FANCD2: variants seen among roughly 807,000 people sequenced by gnomAD.
FANCD2 encodes the protein Fanconi anemia group D2 protein.
A neutral mutation model predicts 192.3 loss-of-function variants in FANCD2; 131 were observed. That is an observed-to-expected ratio of 0.68 (90% CI 0.59 to 0.79). The LOEUF (loss-of-function observed/expected upper bound fraction) is 0.79, where lower values mean the gene tolerates loss of function less well. Among genes scored for constraint, FANCD2 ranks in the 30% least tolerant of loss-of-function variants. FANCD2 has a pLI of 0.00. For synonymous variants in FANCD2, 524 were observed against 612.5 expected, an observed-to-expected ratio of 0.86 and a Z score of 2.13; for missense variants, 1,508 against 1,701.6, an observed-to-expected ratio of 0.89 and a Z score of 2.00.
chr3:10,069,459 GCCTCTC>G (rs771989089), intron 26 of FANCD2, among the ~76,000 whole-genome samples: 11 of 129,508 alleles, frequency 8.5e-5, no homozygotes, highest in Middle Eastern at 3.5e-3. Flanking sequence ...TAGTTAAGAT[GCCTCTC>G]CCCCTCCCCC....
At chr3:10,034,581 C>G in intron 4 of FANCD2, 45 bp downstream of exon 4, 2 of 1,555,912 alleles carry the variant, frequency 1.3e-6, no homozygotes, top group Non-Finnish European at 1.8e-6. Flanking sequence ...CAGCATAACT[C>G]TAGAATTTGG....
At chr3:10,039,908 A>G (rs949884271) in intron 9 of FANCD2, 63 bp downstream of exon 9, 1 of 1,596,932 alleles carries the variant, frequency 6.3e-7, no homozygotes. Context: ...TCACTGCAGT[A>G]TGCAAAGAGC....
At chr3:10,035,598 C>T (rs764285039) in intron 6 of FANCD2, among the ~76,000 whole-genome samples, 10 of 152,148 alleles carry the variant, frequency 6.6e-5, no homozygotes, top group Admixed American at 1.3e-4. Context: ...TCCTCCTCCT[C>T]GTCTCTTTTA....
chr3:10,076,439 ATTATT>A (rs1693546344), intron 29 of FANCD2, among the ~76,000 whole-genome samples: 2 of 152,162 alleles, frequency 1.3e-5, no homozygotes. Context: ...GTCTTGAATT[ATTATT>A]TTACTATTCT....
At chr3:10,062,754 A>G (rs1347254964) in intron 20 of FANCD2, among the ~76,000 whole-genome samples, 3 of 151,820 alleles carry the variant, frequency 2.0e-5, no homozygotes, top group Non-Finnish European at 4.4e-5. Context: ...TCTGTCGCCA[A>G]GGCTGGAGTG....
intron 9 of FANCD2, chr3:10,040,559 C>T: frequency 2.2e-6 from 1 of 456,670 alleles, no homozygotes; most frequent in South Asian, 1.5e-5. Context: ...AATGCACAGT[C>T]CTGCATCAGA....
At chr3:10,040,152 A>G in intron 9 of FANCD2, 1 of 390,704 alleles carries the variant, frequency 2.6e-6, no homozygotes, top group Non-Finnish European at 4.7e-6. Flanking sequence ...CTCCTGCCTC[A>G]GCCTCCCAAG....
chr3:10,026,567 G>C (rs963947705), intron 1 of FANCD2, 94 bp downstream of exon 1: 10 of 274,010 alleles, frequency 3.6e-5, no homozygotes. Flanking sequence ...TTCTCCTCTG[G>C]GGCTCCGCGC....
chr3:10,095,159 C>A, intron 40 of FANCD2, 41 bp from the exon 41 acceptor site: 1 of 1,499,476 alleles, frequency 6.7e-7, no homozygotes, highest in Non-Finnish European at 9.3e-7. Flanking sequence ...AAAATGAAAT[C>A]AGGACATTTC....
At chr3:10,056,140 A>G (rs2087405145) in intron 18 of FANCD2, among the ~76,000 whole-genome samples, 1 of 152,198 alleles carries the variant, frequency 6.6e-6, no homozygotes, top group East Asian at 1.9e-4. Flanking sequence ...CGGCCTCCCA[A>G]AGTGCTAGGA....
chr3:10,088,906 C>G lies in FANCD2; in HGVS notation c.3639C>G (p.Asn1213Lys), dbSNP rs780098296. 3 of 1,614,064 alleles carry G rather than the reference C, an allele frequency of 1.9e-6. No individual in the cohort carries two copies. The South Asian group carries it at 3.3e-5, about 18-fold the overall frequency. The change falls in exon 36 of 44, where the codon AAC becomes AAG. Residue 1213 changes from asparagine to lysine, a missense_variant. By Grantham distance (94) the Asn-to-Lys change is moderately conservative. Around this residue, in one of 5 missense-constraint regions of FANCD2, gnomAD observed 796 missense variants for 879.4 expected, o/e 0.91. Transcript: ENST00000675286. ...GTGTTGGTGTCCCAGAACTGATCAA[C>G]TCTCCTAAAGATGCATCTTCCTCCA... ...IAGVGVPELI[N>K]SPKDASSSTF...
chr3:10,038,063 T>C (rs1031140574), intron 7 of FANCD2, among the ~76,000 whole-genome samples: 1 of 152,226 alleles, frequency 6.6e-6, no homozygotes, highest in Non-Finnish European at 1.5e-5. Context: ...CGATCTTGGC[T>C]CACTGCAACC....
intron 6 of FANCD2, among the ~76,000 whole-genome samples, 179 bp from the exon 7 acceptor site, chr3:10,036,108 G>GTTTTTTTTTTTT (rs2086725430): frequency 1.1e-5 from 1 of 89,482 alleles, no homozygotes; most frequent in Non-Finnish European, 2.2e-5. Context: ...TTTTTTTTGA[G>GTTTTTTTTTTTT]TCAGAGTCTC....
At position 10,064,779 on chromosome 3, in the gene FANCD2, C is replaced by T. The variant is rs751993012; in HGVS notation, c.2072C>T (p.Thr691Ile). 4 of 1,614,074 alleles carry T rather than the reference C, an allele frequency of 2.5e-6. No homozygotes were observed. Among genetic ancestry groups the T allele is most frequent in the Non-Finnish European group, 3.4e-6 (4 of 1,179,894 alleles). The part of the protein sequence containing the change: ...KALYGLEEYD[T>I]QDGIAINLLP... ...CTGTACGGACTGGAAGAATACGACA[C>T]TCAGGATGGGATTGCCATAAACCTC... Residue 691 changes from threonine to isoleucine, a missense_variant, in exon 23 of 44, where the codon ACT (threonine) becomes ATT (isoleucine). Physicochemically the swap from Thr to Ile is moderately conservative, Grantham distance 89 (BLOSUM62 -1). Around this residue, in one of 5 missense-constraint regions of FANCD2, gnomAD observed 59 missense variants for 111.9 expected, o/e 0.53. Transcript: ENST00000675286.
In FANCD2 at chr3:10,042,725, G is replaced by C. The variant is rs930540169; in HGVS notation, c.888+62G>C. ...ACTTAAGTGCCAATTGCTCTTCTCT[G>C]TCCCCAGACTAACTGAGAATACTGA... On this transcript the variant is annotated intron_variant, in intron 11 of 43. Coordinates refer to ENST00000675286, the MANE Select transcript of FANCD2 (RefSeq NM_001018115.3). The C allele has an allele frequency of 2.4e-5, 30 of 1,263,226 alleles. 1 individual carries two copies. The highest frequency in any genetic ancestry group is 1.9e-4 in the Middle Eastern group (1 of 5,398). The allele number at this position is 1,263,226 out of a possible 1,614,324, so 78.3% of individuals were successfully genotyped here. A position where few individuals can be genotyped will look rare whatever the true frequency, so the allele number is the denominator to read the frequency against.
intron 28 of FANCD2, among the ~76,000 whole-genome samples, chr3:10,074,129 AG>A (rs1693400310): frequency 6.6e-6 from 1 of 152,120 alleles, no homozygotes; most frequent in Non-Finnish European, 1.5e-5. Context: ...TATTTTTAGT[AG>A]AGACGGGGTT....
At chr3:10,054,992 T>C (rs939555173) in intron 18 of FANCD2, among the ~76,000 whole-genome samples, 1 of 152,200 alleles carries the variant, frequency 6.6e-6, no homozygotes, top group Admixed American at 6.5e-5. Context: ...GCAATCACTT[T>C]ATAAGCTTCT....
At chr3:10,051,242 G>T (rs535885275) in intron 17 of FANCD2, among the ~76,000 whole-genome samples, 6 of 148,548 alleles carry the variant, frequency 4.0e-5, no homozygotes, top group African/African-American at 1.3e-4. Context: ...TTAGCCGGGC[G>T]TAGTGGTGGG....
At chr3:10,077,124 C>T (rs907839127) in intron 29 of FANCD2, among the ~76,000 whole-genome samples, 4 of 151,108 alleles carry the variant, frequency 2.6e-5, no homozygotes, top group African/African-American at 7.4e-5. Flanking sequence ...TCCCAGCTAC[C>T]TGGGCGGCTG....
Sources: allele counts gnomAD v4.1 joint callset (sites outside exome capture counted in the v4.1 genomes callset), GRCh38; gene constraint gnomAD v4.1.1; regional missense constraint gnomAD v4.1.1; transcripts MANE v1.5; gene names NCBI Gene and HGNC (gene_info 2026-07-23, HGNC 2026-07-21).